ACVR1: variants seen among roughly 807,000 people sequenced by gnomAD.
ACVR1 encodes the protein activin A receptor type 1, also known as activin receptor type-1.
A neutral mutation model predicts 57.1 loss-of-function variants in ACVR1; 38 were observed. That is an observed-to-expected ratio of 0.67 (90% CI 0.51 to 0.87). The LOEUF (loss-of-function observed/expected upper bound fraction) is 0.87, where lower values mean the gene tolerates loss of function less well. ACVR1 is among the 40% of genes least tolerant of loss of function. The pLI is 0.00. For missense variants in ACVR1, 463 were observed against 638.2 expected, an observed-to-expected ratio of 0.73 and a Z score of 2.96; for synonymous variants, 212 against 228.1, an observed-to-expected ratio of 0.93 and a Z score of 0.63.
intron 2 of ACVR1, among the ~76,000 whole-genome samples, chr2:157,809,321 C>G (rs1271828263): frequency 6.6e-6 from 1 of 152,134 alleles, no homozygotes; most frequent in Non-Finnish European, 1.5e-5. Context: ...CACAATTTAG[C>G]TTGAAATATG....
At chr2:157,870,752 A>G (rs1690091867) in intron 1 of ACVR1, among the ~76,000 whole-genome samples, 1 of 152,248 alleles carries the variant, frequency 6.6e-6, no homozygotes, top group Non-Finnish European at 1.5e-5. Context: ...AGAAAGAAAG[A>G]AACATATGCT....
intron 1 of ACVR1, among the ~76,000 whole-genome samples, chr2:157,832,320 G>A (rs1688609968): frequency 6.6e-6 from 1 of 152,114 alleles, no homozygotes; most frequent in Non-Finnish European, 1.5e-5. Context: ...TAATTAAAAT[G>A]AAACAGCCTC....
chr2:157,784,517 C>T (rs1198823186), intron 3 of ACVR1, among the ~76,000 whole-genome samples: 1 of 152,236 alleles, frequency 6.6e-6, no homozygotes, highest in African/African-American at 2.4e-5. Context: ...CTCTGCAGAG[C>T]TCACCCACAT....
At chr2:157,799,389 T>C (rs1230878587) in intron 3 of ACVR1, 38 bp downstream of exon 3, 4 of 1,471,888 alleles carry the variant, frequency 2.7e-6, no homozygotes, top group Non-Finnish European at 3.8e-6. Flanking sequence ...AAAATCACAG[T>C]ATACTTATCT....
chr2:157,789,908 C>G (rs1371395700), intron 3 of ACVR1, among the ~76,000 whole-genome samples: 1 of 152,186 alleles, frequency 6.6e-6, no homozygotes, highest in African/African-American at 2.4e-5. Flanking sequence ...GAAAGCCTTT[C>G]TCTCAAAGAG....
chr2:157,798,897 A>T (rs1687219098), intron 3 of ACVR1, among the ~76,000 whole-genome samples: 1 of 150,852 alleles, frequency 6.6e-6, no homozygotes, highest in Non-Finnish European at 1.5e-5. Context: ...TTATATTTTT[A>T]TTTATTTATT....
chr2:157,772,495 A>C (rs959681442), intron 6 of ACVR1, among the ~76,000 whole-genome samples: 1 of 152,350 alleles, frequency 6.6e-6, no homozygotes, highest in South Asian at 2.1e-4. Flanking sequence ...TGCAATAATG[A>C]TATTTATACT....
At chr2:157,813,228 C>T (rs144417405) in intron 2 of ACVR1, among the ~76,000 whole-genome samples, 79 of 151,720 alleles carry the variant, frequency 5.2e-4, no homozygotes, top group Non-Finnish European at 8.5e-4. Flanking sequence ...TAAAACAATG[C>T]GATTCTGCTG....
chr2:157,831,810 T>C (rs1349979064), intron 1 of ACVR1, among the ~76,000 whole-genome samples: 1 of 152,210 alleles, frequency 6.6e-6, no homozygotes, highest in Non-Finnish European at 1.5e-5. Context: ...TACATGCTAA[T>C]AGTTTCTCTG....
intron 9 of ACVR1, among the ~76,000 whole-genome samples, chr2:157,742,994 G>A (rs1161576365): frequency 6.6e-6 from 1 of 152,022 alleles, no homozygotes; most frequent in Non-Finnish European, 1.5e-5. Context: ...TGCCGTCCAT[G>A]GGAGCCCACT....
At chr2:157,873,095 T>A (rs1690165322) in intron 1 of ACVR1, among the ~76,000 whole-genome samples, 1 of 152,190 alleles carries the variant, frequency 6.6e-6, no homozygotes, top group Non-Finnish European at 1.5e-5. Context: ...TTTCTTTAAG[T>A]GAATCATTGC....
intron 1 of ACVR1, among the ~76,000 whole-genome samples, chr2:157,873,840 T>C (rs1442911351): frequency 6.6e-6 from 1 of 152,220 alleles, no homozygotes; most frequent in Non-Finnish European, 1.5e-5. Context: ...AAAAATTCGT[T>C]ACAAATCTAT....
intron 1 of ACVR1, among the ~76,000 whole-genome samples, chr2:157,857,128 G>A (rs1689561296): frequency 6.6e-6 from 1 of 152,130 alleles, no homozygotes; most frequent in Admixed American, 6.5e-5. Context: ...AGCCCAGGAG[G>A]TTGAGGCTGC....
intron 9 of ACVR1, among the ~76,000 whole-genome samples, chr2:157,758,897 T>G (rs996747299): frequency 6.6e-6 from 1 of 151,898 alleles, no homozygotes; most frequent in Non-Finnish European, 1.5e-5. Context: ...GAACAACCAC[T>G]GGGTCAATGA....
At chr2:157,783,665 A>G (rs1686607443) in intron 3 of ACVR1, among the ~76,000 whole-genome samples, 1 of 152,218 alleles carries the variant, frequency 6.6e-6, no homozygotes, top group Admixed American at 6.5e-5. Context: ...ACAACTGTTA[A>G]TGATACGTAA....
rs551164515 is a variant in ACVR1 at position 157,768,134 on chromosome 2, C to A, written c.791-1938G>T. Among the ~76,000 whole-genome samples, 331 of 152,204 alleles carry A rather than the reference C, an allele frequency of 2.2e-3. 3 individuals carry two copies. Among genetic ancestry groups the A allele is most frequent in the Admixed American group, 5.0e-3 (77 of 15,292 alleles). On this transcript the variant is annotated intron_variant, in intron 7 of 10. Coordinates refer to ENST00000434821, the MANE Select transcript of ACVR1 (RefSeq NM_001111067.4). Reference sequence around the variant, plus strand: ...AAGCAAACTGAATAATATTTTAGCACCTTCACCCTCTACTTCTTTCTCTCT... The same window carrying A: ...AAGCAAACTGAATAATATTTTAGCAACTTCACCCTCTACTTCTTTCTCTCT...
chr2:157,790,010 C>T (rs954889495), intron 3 of ACVR1: 4 of 152,296 alleles, frequency 2.6e-5, no homozygotes, highest in African/African-American at 9.6e-5. Flanking sequence ...TGGCCACCCA[C>T]TAACCACAGA....
intron 1 of ACVR1, among the ~76,000 whole-genome samples, chr2:157,854,076 C>T (rs886953971): frequency 6.6e-6 from 1 of 151,942 alleles, no homozygotes; most frequent in Non-Finnish European, 1.5e-5. Flanking sequence ...TCTCTTGAAG[C>T]CAGGAATAGC....
chr2:157,861,029 T>C (rs548137542), intron 1 of ACVR1, among the ~76,000 whole-genome samples: 20 of 152,332 alleles, frequency 1.3e-4, no homozygotes, highest in African/African-American at 4.8e-4. Context: ...CTGTCTCTAC[T>C]GAAAGCCTCT....
Sources: gnomAD v4.1 joint callset for allele counts (sites outside exome capture counted in the v4.1 genomes callset) on GRCh38, gnomAD v4.1.1 for gene constraint, MANE v1.5 for transcripts, NCBI Gene and HGNC (gene_info 2026-07-23, HGNC 2026-07-21) for gene names.